ISCA1: variants seen among roughly 807,000 people sequenced by gnomAD.
ISCA1 encodes iron-sulfur cluster assembly 1 homolog, mitochondrial.
In ISCA1, 9 loss-of-function variants were observed where a neutral mutation model predicts 14.7. The ratio of observed to expected loss-of-function variants is 0.61; its 90% CI spans 0.37 to 1.07. The LOEUF (loss-of-function observed/expected upper bound fraction) is 1.07, where lower values mean the gene tolerates loss of function less well. Ranked by LOEUF, ISCA1 falls within the 50% of genes least tolerant of loss-of-function variation. The pLI, the probability that ISCA1 is intolerant of heterozygous loss-of-function variation, is 0.01. For missense variants in ISCA1, 102 were observed against 150.1 expected (o/e 0.68, Z 1.67); for synonymous variants, 38 against 54.3 (o/e 0.70, Z 1.32).
chr9:86,265,826 C>T lies in ISCA1; in HGVS notation c.*217G>A, dbSNP rs925914253. 1.3e-6 allele frequency: 1 copy of T among 762,346 alleles called. No homozygotes were observed. Among genetic ancestry groups the T allele is most frequent in the East Asian group, 2.6e-5 (1 of 38,356 alleles). The allele number at this position is 762,346 out of a possible 1,614,324, so 47.2% of individuals were successfully genotyped here. A position where few individuals can be genotyped will look rare whatever the true frequency, so the allele number is the denominator to read the frequency against. The stretch of plus-strand genomic sequence containing the variant: ...GAAACTGGTTCTAAAACAAAGGATA[C>T]AAGAGACCTAAATGATCCAAAAAGA... On this transcript the variant is annotated 3_prime_UTR_variant, in exon 4 of 4. Coordinates refer to ENST00000375991, the MANE Select transcript of ISCA1 (RefSeq NM_030940.4).
intron 3 of ISCA1, among the ~76,000 whole-genome samples, chr9:86,269,868 C>T (rs1371033819): frequency 1.2e-4 from 18 of 152,150 alleles, no homozygotes; most frequent in African/African-American, 4.1e-4. Flanking sequence ...ATAAATGGTG[C>T]TGGGAAAACT....
intron 3 of ISCA1, among the ~76,000 whole-genome samples, chr9:86,269,071 C>T (rs1402722516): frequency 6.6e-6 from 1 of 152,086 alleles, no homozygotes; most frequent in Non-Finnish European, 1.5e-5. Flanking sequence ...TGGGATTACA[C>T]AGGTGAGCCA....
At chr9:86,277,581 T>G (rs1312549844) in intron 1 of ISCA1, among the ~76,000 whole-genome samples, 4 of 152,216 alleles carry the variant, frequency 2.6e-5, no homozygotes, top group African/African-American at 9.7e-5. Flanking sequence ...AACTTTGTGC[T>G]TAGGTAAAAT....
At chr9:86,268,628 A>T (rs978684856) in intron 3 of ISCA1, among the ~76,000 whole-genome samples, 7 of 152,156 alleles carry the variant, frequency 4.6e-5, no homozygotes, top group African/African-American at 1.7e-4. Context: ...GACAACTTCC[A>T]GTCCTGCAAG....
chr9:86,269,496 G>A (rs1406153483), intron 3 of ISCA1, among the ~76,000 whole-genome samples: 2 of 151,942 alleles, frequency 1.3e-5, no homozygotes, highest in African/African-American at 2.4e-5. Context: ...AATCAATATC[G>A]TGAAAATGGC....
chr9:86,273,872 A>G (rs781104677), intron 2 of ISCA1, among the ~76,000 whole-genome samples: 16 of 152,306 alleles, frequency 1.1e-4, no homozygotes, highest in Middle Eastern at 6.8e-3. Context: ...AACATTCTAC[A>G]ATCTGCCCTA....
chr9:86,282,508 A>T lies in ISCA1; in HGVS notation c.-50T>A. The T allele has an allele frequency of 6.5e-7, 1 of 1,549,796 alleles. No individual in the cohort carries two copies. The highest frequency in any genetic ancestry group is 8.7e-7 in the Non-Finnish European group (1 of 1,146,648). On this transcript the variant is annotated 5_prime_UTR_variant, in exon 1 of 4. The change abolishes the stop of an existing upstream ORF in the 5' untranslated region. Transcript: ENST00000375991. The stretch of plus-strand genomic sequence containing the variant: ...CCTCGGGCCGAAGGTCGGCCGCCTC[A>T]GCTTCTCTCCATGGACACGGCGGGC...
rs553072076 is a variant in ISCA1, at chr9:86,280,587, C to T, written c.81+1791G>A. Among the ~76,000 whole-genome samples, 3 of 132,524 alleles carry T rather than the reference C, an allele frequency of 2.3e-5. No homozygotes were observed. The South Asian group carries it at 7.4e-4, about 33-fold the overall frequency. The allele number at this position is 132,524 out of a possible 152,430, so 86.9% of individuals were successfully genotyped here. On this transcript the variant is annotated intron_variant, in intron 1 of 3. Transcript: ENST00000375991. ...TCCAGCCTGGGCAACCCAGCGAAAC[C>T]CTGTCTCAAAAAAAAAAAAAAAAAA...
chr9:86,282,047 G>T, intron 1 of ISCA1: 1 of 306,018 alleles, frequency 3.3e-6, no homozygotes, highest in South Asian at 6.3e-5. Context: ...CGGAACGGCC[G>T]AACAGCGCAG....
At position 86,282,431 on chromosome 9, in the gene ISCA1, C is replaced by G. The variant is rs1026138268; in HGVS notation, c.28G>C (p.Val10Leu). The G allele has an allele frequency of 1.3e-6, 2 of 1,555,884 alleles. No individual in the cohort carries two copies. The highest frequency in any genetic ancestry group is 8.7e-7 in the Non-Finnish European group (1 of 1,149,834). The change falls in exon 1 of 4, where the codon GTC (valine) becomes CTC (leucine). Residue 10 changes from valine (V) to leucine (L), a missense_variant. Transcript: ENST00000375991. ...AGCTTCCTCTTGCTCACAGCCCGGA[C>G]AGTTGCCCGGACTAAGGAAGCCGAC... Reference protein sequence around the residue: MSASLVRATVRAVSKRKLQP... With the variant: MSASLVRATLRAVSKRKLQP...
intron 3 of ISCA1, among the ~76,000 whole-genome samples, chr9:86,271,002 T>TA (rs1825362160): frequency 6.8e-6 from 1 of 146,000 alleles, no homozygotes; most frequent in Non-Finnish European, 1.5e-5. Flanking sequence ...AAATGATGAG[T>TA]TAATGGGTGC....
At chr9:86,268,413 G>C (rs1042891006) in intron 3 of ISCA1, among the ~76,000 whole-genome samples, 2 of 135,966 alleles carry the variant, frequency 1.5e-5, no homozygotes, top group African/African-American at 5.5e-5. Flanking sequence ...TGTACAATGT[G>C]TTTCAAAGCT....
chr9:86,282,058 G>A (rs1195633330), intron 1 of ISCA1: 5 of 360,818 alleles, frequency 1.4e-5, no homozygotes, highest in Non-Finnish European at 2.5e-5. Context: ...AACAGCGCAG[G>A]CCGGCAGGAG....
At chr9:86,277,590 A>AT (rs1825453827) in intron 1 of ISCA1, among the ~76,000 whole-genome samples, 1 of 152,212 alleles carries the variant, frequency 6.6e-6, no homozygotes, top group African/African-American at 2.4e-5. Context: ...CTTAGGTAAA[A>AT]TTCATGTGAG....
chr9:86,282,502 C>A lies in ISCA1; in HGVS notation c.-44G>T. On this transcript the variant is annotated 5_prime_UTR_variant, in exon 1 of 4. Transcript: ENST00000375991. ...CCGGTGCCTCGGGCCGAAGGTCGGCCGCCTCAGCTTCTCTCCATGGACACG... is the reference window on the plus strand; with the variant it reads ...CCGGTGCCTCGGGCCGAAGGTCGGCAGCCTCAGCTTCTCTCCATGGACACG... The A allele has an allele frequency of 6.5e-7, 1 of 1,549,878 alleles. No individual in the cohort carries two copies.
chr9:86,282,169 A>C (rs1570585), intron 1 of ISCA1: 422,089 of 591,456 alleles, frequency 0.71, 154,951 homozygotes, highest in East Asian at 0.99. Context: ...TTCCGGGGCC[A>C]AGAGAGCAGC....
At chr9:86,276,803 G>A (rs889071936) in intron 1 of ISCA1, among the ~76,000 whole-genome samples, 3 of 145,982 alleles carry the variant, frequency 2.1e-5, no homozygotes, top group Non-Finnish European at 4.5e-5. Context: ...CCCAGGAGGC[G>A]GAGGCTGCAG....
At chr9:86,277,943 GT>G (rs1825459398) in intron 1 of ISCA1, among the ~76,000 whole-genome samples, 1 of 152,186 alleles carries the variant, frequency 6.6e-6, no homozygotes, top group East Asian at 1.9e-4. Context: ...GTAGATGAAT[GT>G]TTTATCACTA....
intron 3 of ISCA1, among the ~76,000 whole-genome samples, chr9:86,268,481 A>G (rs1825320776): frequency 6.6e-6 from 1 of 151,850 alleles, no homozygotes; most frequent in Non-Finnish European, 1.5e-5. Context: ...TACAAAGTAA[A>G]AAAGTTTCAG....
Sources: allele counts gnomAD v4.1 joint callset (sites outside exome capture counted in the v4.1 genomes callset), GRCh38; gene constraint gnomAD v4.1.1; transcripts MANE v1.5; gene names NCBI Gene and HGNC (gene_info 2026-07-23, HGNC 2026-07-21).